DACH1: variants seen among roughly 807,000 people sequenced by gnomAD.
DACH1 encodes dachshund homolog 1.
In DACH1, 12 loss-of-function variants were observed where a neutral mutation model predicts 54.2. The ratio of observed to expected loss-of-function variants is 0.22; its 90% CI spans 0.14 to 0.36. DACH1 has a LOEUF of 0.36. DACH1 is among the 10% of genes least tolerant of loss of function. The pLI, the probability that DACH1 is intolerant of heterozygous loss-of-function variation, is 1.00. For synonymous variants in DACH1, 386 were observed against 366.2 expected (o/e 1.05, Z -0.62); for missense variants, 805 against 929.8 (o/e 0.87, Z 1.75).
intron 1 of DACH1, among the ~76,000 whole-genome samples, chr13:71,741,884 C>G (rs1884402588): frequency 6.6e-6 from 1 of 152,028 alleles, no homozygotes; most frequent in South Asian, 2.1e-4. Context: ...AAAACAACAC[C>G]TACGTATAGT....
intron 1 of DACH1, among the ~76,000 whole-genome samples, chr13:71,758,879 T>A (rs1183181384): frequency 6.6e-6 from 1 of 152,054 alleles, no homozygotes; most frequent in East Asian, 1.9e-4. Context: ...CCTTTTAGAC[T>A]GCAAACCAGT....
At chr13:71,576,365 A>G (rs1008708244) in intron 3 of DACH1, among the ~76,000 whole-genome samples, 2 of 152,158 alleles carry the variant, frequency 1.3e-5, no homozygotes, top group Non-Finnish European at 2.9e-5. Context: ...TCAAATATGT[A>G]AGGAGTAGGT....
intron 2 of DACH1, among the ~76,000 whole-genome samples, chr13:71,675,865 T>G (rs1415716338): frequency 6.6e-6 from 1 of 152,214 alleles, no homozygotes; most frequent in Non-Finnish European, 1.5e-5. Context: ...TGTAGCATTT[T>G]TATCATACAG....
intron 3 of DACH1, among the ~76,000 whole-genome samples, chr13:71,592,510 AAAAAAAAGAAAAG>A (rs1359037214): frequency 1.7e-3 from 262 of 149,850 alleles, no homozygotes; most frequent in Non-Finnish European, 2.7e-3. Flanking sequence ...AAAAAAAAAA[AAAAAAAAGAAAAG>A]AAAAAAAGAA....
At chr13:71,626,303 G>A (rs1594008450) in intron 3 of DACH1, among the ~76,000 whole-genome samples, 2 of 151,988 alleles carry the variant, frequency 1.3e-5, no homozygotes, top group African/African-American at 4.8e-5. Flanking sequence ...GTAAAATTAA[G>A]TTTCCTTTAT....
intron 1 of DACH1, among the ~76,000 whole-genome samples, chr13:71,705,354 G>A (rs1475730264): frequency 1.4e-5 from 2 of 145,912 alleles, no homozygotes; most frequent in Non-Finnish European, 2.9e-5. Context: ...GCTATTTAGG[G>A]ACCGAAATGT....
At chr13:71,748,814 A>C (rs570750221) in intron 1 of DACH1, among the ~76,000 whole-genome samples, 1 of 150,936 alleles carries the variant, frequency 6.6e-6, no homozygotes, top group African/African-American at 2.4e-5. Flanking sequence ...ATTTTTCTCT[A>C]TGTTACCTGA....
intron 6 of DACH1, among the ~76,000 whole-genome samples, chr13:71,503,448 A>G (rs1195693973): frequency 6.6e-6 from 1 of 152,244 alleles, no homozygotes; most frequent in African/African-American, 2.4e-5. Context: ...ACTTTAAGTT[A>G]GATGAGCCTG....
At chr13:71,756,032 T>A (rs569941069) in intron 1 of DACH1, among the ~76,000 whole-genome samples, 2 of 152,040 alleles carry the variant, frequency 1.3e-5, no homozygotes, top group East Asian at 1.9e-4. Context: ...AAGACTTTTT[T>A]ATTTTTTTTT....
intron 1 of DACH1, among the ~76,000 whole-genome samples, chr13:71,815,107 A>G (rs528076241): frequency 6.6e-6 from 1 of 152,362 alleles, no homozygotes; most frequent in African/African-American, 2.4e-5. Flanking sequence ...ACTACAAATT[A>G]ACTGTATACC....
At position 71,674,484 on chromosome 13, in the gene DACH1, C is replaced by T. The variant is rs904149057; in HGVS notation, c.964+7311G>A. 2.1e-5 allele frequency among the ~76,000 whole-genome samples: 3 copies of T among 144,270 alleles called. No homozygotes were observed. In the South Asian group the frequency reaches 6.6e-4, roughly 32 times the overall value. The allele number at this position is 144,270 out of a possible 152,430, so 94.6% of individuals were successfully genotyped here. On this transcript the variant is annotated intron_variant, in intron 2 of 10. Coordinates refer to ENST00000613252, the MANE Select transcript of DACH1 (RefSeq NM_080759.6). ...ACACACACACACACACACACACACA[C>T]GAAGGCGACATTACCACAGAGTCAG...
intron 1 of DACH1, among the ~76,000 whole-genome samples, chr13:71,686,054 A>T (rs549587034): frequency 6.6e-6 from 1 of 152,304 alleles, no homozygotes; most frequent in African/African-American, 2.4e-5. Flanking sequence ...CATTTTCTAT[A>T]AGAGCGACCC....
intron 1 of DACH1, among the ~76,000 whole-genome samples, chr13:71,703,519 G>T (rs547998994): frequency 6.6e-6 from 1 of 152,174 alleles, no homozygotes; most frequent in Admixed American, 6.5e-5. Flanking sequence ...TGTTGGTATT[G>T]TTTGTTGCTG....
chr13:71,572,720 G>T, intron 4 of DACH1, 120 bp downstream of exon 4: 3 of 1,073,664 alleles, frequency 2.8e-6, no homozygotes, highest in Admixed American at 2.9e-5. Context: ...TTTTTTAATA[G>T]TCTATTTACT....
chr13:71,550,385 T>G (rs1883732362), intron 6 of DACH1, among the ~76,000 whole-genome samples: 1 of 152,072 alleles, frequency 6.6e-6, no homozygotes, highest in African/African-American at 2.4e-5. Flanking sequence ...AAGTTTGGGC[T>G]GAACACTAGT....
intron 1 of DACH1, among the ~76,000 whole-genome samples, chr13:71,823,052 C>A (rs1212660066): frequency 6.6e-6 from 1 of 151,998 alleles, no homozygotes; most frequent in South Asian, 2.1e-4. Context: ...GGTGGCATGC[C>A]CTGACTCATT....
intron 3 of DACH1, among the ~76,000 whole-genome samples, chr13:71,579,284 G>A (rs760495581): frequency 1.3e-5 from 2 of 152,022 alleles, no homozygotes; most frequent in Non-Finnish European, 2.9e-5. Context: ...TAAGATATTG[G>A]TATTGCCCTA....
At chr13:71,653,315 C>T (rs1396518321) in intron 2 of DACH1, among the ~76,000 whole-genome samples, 1 of 152,158 alleles carries the variant, frequency 6.6e-6, no homozygotes, top group Non-Finnish European at 1.5e-5. Flanking sequence ...AAGGTCAACA[C>T]ATTTACCAAA....
At chr13:71,573,123 C>T in intron 3 of DACH1, 111 bp from the exon 4 acceptor site, 1 of 1,106,756 alleles carries the variant, frequency 9.0e-7, no homozygotes, top group Non-Finnish European at 1.3e-6. Context: ...TATTTTTCCT[C>T]TTCATATGCA....
Sources: allele counts gnomAD v4.1 joint callset (sites outside exome capture counted in the v4.1 genomes callset), GRCh38; gene constraint gnomAD v4.1.1; transcripts MANE v1.5; gene names NCBI Gene and HGNC (gene_info 2026-07-23, HGNC 2026-07-21).